Variants in LHFPL2 observed in about 807,000 individuals in gnomAD.
LHFPL2 encodes LHFPL tetraspan subfamily member 2 protein.
In LHFPL2, 7 loss-of-function variants were observed where a neutral mutation model predicts 17.5. That is an observed-to-expected ratio of 0.40 (90% CI 0.23 to 0.75). The LOEUF (loss-of-function observed/expected upper bound fraction) is 0.75, where lower values mean the gene tolerates loss of function less well. LHFPL2 is among the 30% of genes least tolerant of loss of function. The pLI, the probability that LHFPL2 is intolerant of heterozygous loss-of-function variation, is 0.37. For missense variants in LHFPL2, 241 were observed against 294.8 expected (o/e 0.82, Z 1.34); for synonymous variants, 134 against 116.2 (o/e 1.15, Z -0.99).
chr5:78,509,309 G>A (rs531466750), intron 4 of LHFPL2, among the ~76,000 whole-genome samples: 3 of 152,264 alleles, frequency 2.0e-5, no homozygotes, highest in East Asian at 3.9e-4. Flanking sequence ...AATCATCTGG[G>A]GGCTGGAGCT....
rs114425972 is a variant in LHFPL2, at chr5:78,611,486, G to A, written c.-245+20778C>T. Reference sequence around the variant, plus strand: ...GGAGAGGATGCTGAGCTCAGCCCCTGGCCCCAGGAAGTCCCGCCAGAATCC... The same window carrying A: ...GGAGAGGATGCTGAGCTCAGCCCCTAGCCCCAGGAAGTCCCGCCAGAATCC... On this transcript the variant is annotated intron_variant, in intron 2 of 4. Coordinates refer to ENST00000380345, the MANE Select transcript of LHFPL2 (RefSeq NM_005779.3). 3.0e-3 allele frequency among the ~76,000 whole-genome samples: 450 copies of A among 152,254 alleles called. 3 individuals are homozygous for A. Among genetic ancestry groups the A allele is most frequent in the African/African-American group, 0.01 (431 of 41,558 alleles).
chr5:78,595,052 C>T (rs1049271421), intron 2 of LHFPL2, among the ~76,000 whole-genome samples: 16 of 152,088 alleles, frequency 1.1e-4, no homozygotes, highest in Admixed American at 7.9e-4. Context: ...CTGTGTGTTT[C>T]GAATTCACAC....
intron 3 of LHFPL2, among the ~76,000 whole-genome samples, chr5:78,561,820 T>C (rs1756735976): frequency 1.3e-5 from 2 of 152,172 alleles, no homozygotes. Flanking sequence ...CTCGAGGACA[T>C]TCACCTAATT....
At chr5:78,616,196 C>T (rs1311522710) in intron 2 of LHFPL2, among the ~76,000 whole-genome samples, 2 of 152,068 alleles carry the variant, frequency 1.3e-5, no homozygotes, top group African/African-American at 4.8e-5. Flanking sequence ...GGCGCAATCT[C>T]GGCTCACTGC....
chr5:78,529,496 A>G (rs1237708853), intron 3 of LHFPL2, among the ~76,000 whole-genome samples: 1 of 152,200 alleles, frequency 6.6e-6, no homozygotes, highest in African/African-American at 2.4e-5. Context: ...TTTGCAGCCT[A>G]GCAGTAACAG....
intron 2 of LHFPL2, among the ~76,000 whole-genome samples, chr5:78,627,613 C>T (rs1166564709): frequency 1.3e-5 from 2 of 152,138 alleles, no homozygotes; most frequent in South Asian, 2.1e-4. Flanking sequence ...AAGGAGACCT[C>T]GGGCAAGTCA....
intron 4 of LHFPL2, among the ~76,000 whole-genome samples, chr5:78,497,257 T>C (rs1754635086): frequency 6.6e-6 from 1 of 151,152 alleles, no homozygotes. Context: ...GATACCCACA[T>C]GGCTAACTCC....
At chr5:78,559,582 G>T (rs1287384212) in intron 3 of LHFPL2, among the ~76,000 whole-genome samples, 2 of 152,278 alleles carry the variant, frequency 1.3e-5, no homozygotes, top group East Asian at 3.9e-4. Flanking sequence ...CATCCATTTT[G>T]TCTTCACTGC....
chr5:78,635,018 G>C (rs1745383200), intron 1 of LHFPL2, among the ~76,000 whole-genome samples: 1 of 152,222 alleles, frequency 6.6e-6, no homozygotes, highest in Non-Finnish European at 1.5e-5. Context: ...GAGCCGTGGA[G>C]TGGGTCAGTT....
Position 78,563,388 on chromosome 5 carries a change from C to T in LHFPL2, c.-186+1425G>A, listed in dbSNP as rs111620521. On this transcript the variant is annotated intron_variant, in intron 3 of 4. Coordinates refer to ENST00000380345, the MANE Select transcript of LHFPL2 (RefSeq NM_005779.3). ...TTCTCCCACCTCCACTAAATAAATA[C>T]GGAGTAGATAAAGATTATCAGTTTG... is the stretch of plus-strand genomic sequence containing the variant. 6.7e-3 allele frequency among the ~76,000 whole-genome samples: 1,021 copies of T among 152,054 alleles called. 14 individuals are homozygous for T. Among genetic ancestry groups the T allele is most frequent in the African/African-American group, 0.023 (962 of 41,482 alleles).
At chr5:78,633,181 C>T (rs974998094) in intron 1 of LHFPL2, among the ~76,000 whole-genome samples, 1 of 152,188 alleles carries the variant, frequency 6.6e-6, no homozygotes, top group Non-Finnish European at 1.5e-5. Flanking sequence ...TTAGCTGCCC[C>T]AAATGCCACA....
At chr5:78,616,809 C>A (rs1744632891) in intron 2 of LHFPL2, among the ~76,000 whole-genome samples, 1 of 152,178 alleles carries the variant, frequency 6.6e-6, no homozygotes, top group Non-Finnish European at 1.5e-5. Context: ...CCCTGACAAC[C>A]TGGACTGGTT....
At chr5:78,646,754 A>G (rs1745895898) in intron 1 of LHFPL2, among the ~76,000 whole-genome samples, 1 of 152,194 alleles carries the variant, frequency 6.6e-6, no homozygotes, top group Non-Finnish European at 1.5e-5. Context: ...CACCGAGCCC[A>G]TGCATACGGT....
At chr5:78,611,391 T>C (rs907336982) in intron 2 of LHFPL2, among the ~76,000 whole-genome samples, 1 of 152,190 alleles carries the variant, frequency 6.6e-6, no homozygotes. Context: ...CAGGGCTCAG[T>C]GTCATCTTCT....
At chr5:78,490,031 A>C (rs1580737445) in intron 4 of LHFPL2, among the ~76,000 whole-genome samples, 1 of 152,376 alleles carries the variant, frequency 6.6e-6, no homozygotes, top group South Asian at 2.1e-4. Context: ...TAAGTAAGCC[A>C]GATGTTTCTG....
intron 1 of LHFPL2, chr5:78,644,228 G>A (rs1019566506): frequency 4.5e-6 from 3 of 671,068 alleles, no homozygotes; most frequent in African/African-American, 3.6e-5. Flanking sequence ...GAGTTGAAAT[G>A]CTTTATAGAT....
rs115128876 is a variant in LHFPL2, at chr5:78,612,979, G to A, written c.-245+19285C>T. 6.5e-3 allele frequency among the ~76,000 whole-genome samples: 994 copies of A among 152,332 alleles called. 7 individuals carry two copies. The highest frequency in any genetic ancestry group is 0.022 in the African/African-American group (927 of 41,580). On this transcript the variant is annotated intron_variant, in intron 2 of 4. Coordinates refer to ENST00000380345, the MANE Select transcript of LHFPL2 (RefSeq NM_005779.3). ...CAGCTCTTCCACGTGCATAGCTGGT[G>A]ATCTTGAAGTTCTCCTGGTAGACAA...
intron 4 of LHFPL2, among the ~76,000 whole-genome samples, chr5:78,500,836 ATG>A: frequency 6.6e-6 from 1 of 152,206 alleles, no homozygotes; most frequent in Non-Finnish European, 1.5e-5. Flanking sequence ...GATTCTTCAG[ATG>A]ATGGCTCATC....
chr5:78,609,974 C>G (rs1389564562), intron 2 of LHFPL2, among the ~76,000 whole-genome samples: 1 of 152,144 alleles, frequency 6.6e-6, no homozygotes, highest in East Asian at 1.9e-4. Flanking sequence ...GAAACTCCTG[C>G]CCTGGGCAGC....
Sources: gnomAD v4.1 joint callset for allele counts (sites outside exome capture counted in the v4.1 genomes callset) on GRCh38, gnomAD v4.1.1 for gene constraint, MANE v1.5 for transcripts, NCBI Gene and HGNC (gene_info 2026-07-23, HGNC 2026-07-21) for gene names.